Variants in LPIN1 observed in about 807,000 individuals in gnomAD.
The protein encoded by LPIN1 is lipin 1.
LPIN1 carries 71 observed loss-of-function variants against 107.5 expected under a neutral mutation model. That is an observed-to-expected ratio of 0.66 (90% CI 0.55 to 0.80). The LOEUF is 0.80. Among genes scored for constraint, LPIN1 ranks in the 30% least tolerant of loss-of-function variants. The pLI, the probability that LPIN1 is intolerant of heterozygous loss-of-function variation, is 0.00. For synonymous variants in LPIN1, 445 were observed against 452.6 expected (o/e 0.98, Z 0.21); for missense variants, 1,043 against 1,160.6 (o/e 0.90, Z 1.47).
chr2:11,702,507 A>G (rs1490150069), intron 1 of LPIN1, among the ~76,000 whole-genome samples: 1 of 152,224 alleles, frequency 6.6e-6, no homozygotes, highest in African/African-American at 2.4e-5. Flanking sequence ...ATAGCAAAGC[A>G]TCAAAATACG....
At chr2:11,746,522 C>T, upstream of LPIN1, 1 of 325,182 alleles carries the variant, frequency 3.1e-6, no homozygotes. Context: ...GGGCCACCAG[C>T]GCGTCCCGAG....
upstream of LPIN1, among the ~76,000 whole-genome samples, chr2:11,722,863 A>C (rs1226786889): frequency 1.3e-5 from 2 of 152,246 alleles, no homozygotes; most frequent in African/African-American, 4.8e-5. Context: ...AGGAACAATC[A>C]CACTCTCATA....
intron 1 of LPIN1, chr2:11,724,725 C>A: frequency 2.5e-6 from 2 of 805,034 alleles, no homozygotes; most frequent in Non-Finnish European, 3.0e-6. Context: ...CCCCATCGGG[C>A]TTCTCAGGCC....
chr2:11,691,456 G>A (rs1558720927), intron 1 of LPIN1, among the ~76,000 whole-genome samples: 1 of 152,068 alleles, frequency 6.6e-6, no homozygotes, highest in African/African-American at 2.4e-5. Context: ...CCTGGCTCCC[G>A]TGTCCCATCT....
At chr2:11,726,169 G>A (rs1414614481) in intron 1 of LPIN1, among the ~76,000 whole-genome samples, 1 of 152,102 alleles carries the variant, frequency 6.6e-6, no homozygotes, top group African/African-American at 2.4e-5. Context: ...GCTGCTGCCC[G>A]GCATATGAAA....
intron 12 of LPIN1, among the ~76,000 whole-genome samples, chr2:11,789,505 T>A (rs894246152): frequency 9.2e-5 from 14 of 151,378 alleles, no homozygotes; most frequent in Non-Finnish European, 1.8e-4. Flanking sequence ...TGTGTGCGCG[T>A]GTGCATGTAT....
chr2:11,773,779 G>T (rs1290691812), intron 5 of LPIN1, 34 bp downstream of exon 5: 1 of 1,612,576 alleles, frequency 6.2e-7, no homozygotes, highest in Admixed American at 1.7e-5. Flanking sequence ...GCCCAGTGCA[G>T]AGGCTTAGAA....
chr2:11,696,514 T>A (rs1224272458), intron 1 of LPIN1, among the ~76,000 whole-genome samples: 1 of 152,170 alleles, frequency 6.6e-6, no homozygotes, highest in Non-Finnish European at 1.5e-5. Context: ...ACTAGATGTT[T>A]CTCAAGCAGC....
intron 1 of LPIN1, among the ~76,000 whole-genome samples, chr2:11,706,263 C>T (rs961825477): frequency 7.9e-5 from 12 of 152,290 alleles, no homozygotes; most frequent in South Asian, 2.1e-4. Flanking sequence ...TGCAGCAAGG[C>T]GAGTGAACTG....
intron 15 of LPIN1, 23 bp from the exon 16 acceptor site, chr2:11,804,400 T>C (rs2148701568): frequency 6.2e-7 from 1 of 1,613,950 alleles, no homozygotes; most frequent in African/African-American, 1.3e-5. Context: ...AGCAGACAAA[T>C]ACTAATGGTT....
intron 1 of LPIN1, among the ~76,000 whole-genome samples, chr2:11,688,862 G>A (rs1662140010): frequency 6.6e-6 from 1 of 152,178 alleles, no homozygotes. Context: ...CAGAAATTGA[G>A]TTATTAATAG....
At chr2:11,795,583 T>A in intron 14 of LPIN1, 96 bp downstream of exon 14, 2 of 1,114,228 alleles carry the variant, frequency 1.8e-6, no homozygotes, top group Non-Finnish European at 2.7e-6. Flanking sequence ...CACCACACAG[T>A]TCCAACTCTG....
At chr2:11,745,160 G>C (rs1400191880), upstream of LPIN1, 2 of 152,310 alleles carry the variant, frequency 1.3e-5, no homozygotes, top group Non-Finnish European at 2.9e-5. Flanking sequence ...TCCACACTGA[G>C]ACTTGCCTTT....
intron 17 of LPIN1, among the ~76,000 whole-genome samples, chr2:11,810,632 T>G (rs1679487162): frequency 6.6e-6 from 1 of 152,140 alleles, no homozygotes; most frequent in East Asian, 1.9e-4. Context: ...CAGCAGTGGC[T>G]CTCAACTGAC....
At position 11,785,035 on chromosome 2, in the gene LPIN1, C is replaced by G; in HGVS notation, c.1508C>G (p.Ser503Cys). The G allele has an allele frequency of 6.2e-7, 1 of 1,604,898 alleles. No homozygotes were observed. Among genetic ancestry groups the G allele is most frequent in the East Asian group, 2.2e-5 (1 of 44,636 alleles). The change falls in exon 10 of 21, where the codon TCC becomes TGC. Residue 503 changes from serine to cysteine, a missense_variant. Ser to Cys is a moderately radical substitution (Grantham distance 112, BLOSUM62 -1). Transcript: ENST00000674199. ...AGGGACCTCCCTTCCATCGCCATCT[C>G]CCTCTGCGGGGGCCTCAGCGACCAC... ...GLRDLPSIAI[S>C]LCGGLSDHRE... is the part of the protein sequence containing the mutation.
chr2:11,713,974 G>A (rs182402619), intron 2 of LPIN1, among the ~76,000 whole-genome samples: 2 of 152,336 alleles, frequency 1.3e-5, no homozygotes, highest in Admixed American at 6.5e-5. Context: ...CGCAGCACTT[G>A]CTGGATGCTT....
intron 7 of LPIN1, among the ~76,000 whole-genome samples, chr2:11,781,319 A>G (rs1009200365): frequency 3.9e-5 from 6 of 152,212 alleles, no homozygotes; most frequent in Non-Finnish European, 8.8e-5. Flanking sequence ...TTGCAAGTTT[A>G]TGTCGTTAGT....
chr2:11,822,541 C>G (rs1342287203), intron 20 of LPIN1, among the ~76,000 whole-genome samples: 1 of 151,988 alleles, frequency 6.6e-6, no homozygotes, highest in Non-Finnish European at 1.5e-5. Context: ...TGGATGGCAG[C>G]AGGCAGAAAG....
chr2:11,763,964 A>AGTGT (rs143711712), intron 1 of LPIN1, among the ~76,000 whole-genome samples: 34,021 of 133,770 alleles, frequency 0.25, 5,041 homozygotes, highest in Non-Finnish European at 0.33. Context: ...CATATATTTT[A>AGTGT]GTGTGTGTGT....
Sources: gnomAD v4.1 joint callset for allele counts (sites outside exome capture counted in the v4.1 genomes callset) on GRCh38, gnomAD v4.1.1 for gene constraint, MANE v1.5 for transcripts, NCBI Gene and HGNC (gene_info 2026-07-23, HGNC 2026-07-21) for gene names.